The following STPG2 variants were observed in gnomAD, a reference collection of about 807,000 sequenced individuals.
STPG2 encodes the protein sperm tail PG-rich repeat containing 2, also known as sperm-tail PG-rich repeat-containing protein 2.
Under a neutral mutation model 54.2 loss-of-function variants are expected in STPG2, and 56 were observed. That is an observed-to-expected ratio of 1.03 (90% CI 0.83 to 1.29). The LOEUF (loss-of-function observed/expected upper bound fraction) is 1.29, where lower values mean the gene tolerates loss of function less well. Among genes scored for constraint, STPG2 ranks in the 50% most tolerant of loss-of-function variants. The pLI is 0.00. For missense variants in STPG2, 596 were observed against 544.9 expected (o/e 1.09, Z -0.93); for synonymous variants, 200 against 181.8 (o/e 1.10, Z -0.81).
At chr4:98,103,644 A>AAAAAT (rs138971893) in intron 5 of STPG2, among the ~76,000 whole-genome samples, 46,531 of 148,932 alleles carry the variant, frequency 0.31, 7,486 homozygotes, top group African/African-American at 0.35. Flanking sequence ...TCCATCTCAA[A>AAAAAT]AAAATAAAAT....
At chr4:97,746,459 T>C (rs950416333) in intron 9 of STPG2, among the ~76,000 whole-genome samples, 10 of 151,204 alleles carry the variant, frequency 6.6e-5, no homozygotes, top group South Asian at 2.1e-4. Flanking sequence ...ATTTCTCCAA[T>C]TGACAGAAAC....
chr4:98,090,433 C>T (rs1738651096), intron 5 of STPG2, among the ~76,000 whole-genome samples: 1 of 151,946 alleles, frequency 6.6e-6, no homozygotes, highest in Non-Finnish European at 1.5e-5. Flanking sequence ...TATACTGGTA[C>T]CATGTTTTAT....
intron 9 of STPG2, among the ~76,000 whole-genome samples, chr4:97,815,318 A>G (rs1727876100): frequency 6.6e-6 from 1 of 152,158 alleles, no homozygotes; most frequent in African/African-American, 2.4e-5. Flanking sequence ...AATGTTTTGG[A>G]TTTCAGAATT....
intron 4 of STPG2, among the ~76,000 whole-genome samples, chr4:98,108,320 A>AT (rs1320108881): frequency 6.6e-6 from 1 of 152,164 alleles, no homozygotes; most frequent in Non-Finnish European, 1.5e-5. Context: ...AATCAGGCAG[A>AT]TAAGCTGGAC....
At chr4:97,973,132 C>G (rs1210876988) in intron 6 of STPG2, among the ~76,000 whole-genome samples, 1 of 152,148 alleles carries the variant, frequency 6.6e-6, no homozygotes, top group African/African-American at 2.4e-5. Context: ...AAGTTTGGAA[C>G]TTCTTAGAGA....
At chr4:97,957,097 G>GGTGAAATATACAT (rs144797197) in intron 7 of STPG2, among the ~76,000 whole-genome samples, 3 of 139,956 alleles carry the variant, frequency 2.1e-5, no homozygotes, top group Non-Finnish European at 3.1e-5. Context: ...AATATACATA[G>GGTGAAATATACAT]GTGAAATATA....
intron 5 of STPG2, among the ~76,000 whole-genome samples, chr4:98,081,450 T>A (rs796100629): frequency 6.6e-6 from 1 of 152,228 alleles, no homozygotes; most frequent in African/African-American, 2.4e-5. Context: ...TGTGAAAAAA[T>A]TATCAATTTT....
chr4:97,491,658 G>A (rs1415117698), intron 4 of STPG2, among the ~76,000 whole-genome samples: 2 of 151,518 alleles, frequency 1.3e-5, no homozygotes, highest in African/African-American at 2.4e-5. Context: ...GACTTAAGAA[G>A]GCATGATGCC....
At chr4:97,900,714 C>A (rs1731143746) in intron 8 of STPG2, among the ~76,000 whole-genome samples, 2 of 151,948 alleles carry the variant, frequency 1.3e-5, no homozygotes, top group African/African-American at 2.4e-5. Flanking sequence ...TAAGTGGGAG[C>A]TAAATGATGA....
intron 8 of STPG2, among the ~76,000 whole-genome samples, chr4:97,937,300 G>T (rs1441389126): frequency 6.6e-6 from 1 of 151,922 alleles, no homozygotes; most frequent in East Asian, 1.9e-4. Context: ...ATGGTTCTCA[G>T]CTTCTTTGCA....
chr4:97,732,808 T>C (rs1309035007), intron 9 of STPG2, among the ~76,000 whole-genome samples: 3 of 151,246 alleles, frequency 2.0e-5, no homozygotes, highest in Non-Finnish European at 4.4e-5. Flanking sequence ...AAAGAAGATA[T>C]AAAAATGGCC....
At chr4:97,456,666 C>T (rs915901811) in intron 4 of STPG2, among the ~76,000 whole-genome samples, 3 of 151,938 alleles carry the variant, frequency 2.0e-5, no homozygotes, top group East Asian at 1.9e-4. Flanking sequence ...GAGGCTGAGG[C>T]GGGTGGATCA....
chr4:97,539,103 G>T (rs1020489402), intron 4 of STPG2, among the ~76,000 whole-genome samples: 1 of 152,146 alleles, frequency 6.6e-6, no homozygotes, highest in Non-Finnish European at 1.5e-5. Context: ...AAATTGTAAA[G>T]ACCATCAATG....
At chr4:97,820,625 T>G (rs763185149) in intron 9 of STPG2, among the ~76,000 whole-genome samples, 40 of 152,154 alleles carry the variant, frequency 2.6e-4, no homozygotes, top group Non-Finnish European at 5.4e-4. Context: ...ACTGTGTAAT[T>G]TATAAAGAAA....
At chr4:97,626,934 T>C (rs910301789) in intron 10 of STPG2, among the ~76,000 whole-genome samples, 1 of 152,080 alleles carries the variant, frequency 6.6e-6, no homozygotes, top group Non-Finnish European at 1.5e-5. Flanking sequence ...TTATTGTCTA[T>C]AGGTTCCTTT....
intron 5 of STPG2, among the ~76,000 whole-genome samples, chr4:98,020,734 G>A (rs1736153476): frequency 6.6e-6 from 1 of 152,028 alleles, no homozygotes; most frequent in Admixed American, 6.6e-5. Flanking sequence ...ACTTCTTCCT[G>A]GTTTAGTCTT....
chr4:97,706,912 T>C (rs1239772014), intron 10 of STPG2, among the ~76,000 whole-genome samples: 2 of 151,656 alleles, frequency 1.3e-5, no homozygotes, highest in Non-Finnish European at 2.9e-5. Flanking sequence ...GAAACAGGGG[T>C]TTAATTGAAG....
At chr4:98,076,451 C>T (rs1342325511) in intron 5 of STPG2, among the ~76,000 whole-genome samples, 5 of 152,042 alleles carry the variant, frequency 3.3e-5, no homozygotes, top group African/African-American at 1.2e-4. Context: ...TTTGTTTCCA[C>T]ATAAACATTT....
chr4:97,522,890 A>G (rs17026760), intron 4 of STPG2, among the ~76,000 whole-genome samples: 77,525 of 151,692 alleles, frequency 0.51, 20,194 homozygotes, highest in South Asian at 0.64. Flanking sequence ...TAGAGGCTTG[A>G]AGAGAATAAT....
Sources: gnomAD v4.1 joint callset for allele counts (sites outside exome capture counted in the v4.1 genomes callset) on GRCh38, gnomAD v4.1.1 for gene constraint, MANE v1.5 for transcripts, NCBI Gene and HGNC (gene_info 2026-07-23, HGNC 2026-07-21) for gene names.